The following PIK3C2G variants were observed in gnomAD, a reference collection of about 807,000 sequenced individuals.
PIK3C2G encodes phosphatidylinositol-4-phosphate 3-kinase catalytic subunit type 2 gamma, also known as phosphatidylinositol 3-kinase C2 domain-containing subunit gamma.
Under a neutral mutation model 181.1 loss-of-function variants are expected in PIK3C2G, and 168 were observed. The observed-to-expected ratio is 0.93, with a 90% confidence interval of 0.82 to 1.05. The LOEUF is 1.05. PIK3C2G is among the 50% of genes least tolerant of loss of function. PIK3C2G has a pLI of 0.00. For missense variants in PIK3C2G, 1,869 were observed against 1,732.8 expected (o/e 1.08, Z -1.40); for synonymous variants, 573 against 592.2 (o/e 0.97, Z 0.47).
chr12:18,381,278 G>A (rs928636042), intron 13 of PIK3C2G, among the ~76,000 whole-genome samples: 1 of 151,914 alleles, frequency 6.6e-6, no homozygotes, highest in Admixed American at 6.6e-5. Context: ...TTATTCTGCA[G>A]ATCATATGCT....
At chr12:18,319,449 GT>G (rs1278772298) in intron 6 of PIK3C2G, among the ~76,000 whole-genome samples, 1 of 150,808 alleles carries the variant, frequency 6.6e-6, no homozygotes, top group African/African-American at 2.4e-5. Flanking sequence ...TCCAGCTTTT[GT>G]TTTTTTTCAA....
In PIK3C2G at chr12:18,399,680, A is replaced by G; in HGVS notation, c.2148A>G (p.Arg716=). 4 of 1,570,214 alleles carry G rather than the reference A, an allele frequency of 2.5e-6. No individual in the cohort carries two copies. Among genetic ancestry groups the G allele is most frequent in the Non-Finnish European group, 3.5e-6 (4 of 1,151,952 alleles). ...TCAGACTCTCTGAAGAAAAGAAAAG[A>G]TATTTATGGTTTTATCGCTTCTACT... ...TPLLLSEEKK[R]YLWFYRFYCN... The change falls in exon 16 of 33, where the codon AGA becomes AGG. Residue 716 remains arginine (R), a synonymous_variant. Transcript: ENST00000538779.
At chr12:18,594,340 CTTAA>C (rs1947239953) in intron 29 of PIK3C2G, among the ~76,000 whole-genome samples, 150 bp from the exon 30 acceptor site, 1 of 152,014 alleles carries the variant, frequency 6.6e-6, no homozygotes, top group South Asian at 2.1e-4. Context: ...ATAGCACTGA[CTTAA>C]TTAACCTTTC....
At chr12:18,703,265 A>C in the PIK3C2G span, among the ~76,000 whole-genome samples, 2 of 152,094 alleles carry the variant, frequency 1.3e-5, no homozygotes, top group African/African-American at 2.4e-5. Context: ...TTTATCACAC[A>C]GTTCATTTTT....
chr12:18,692,663 T>C, the PIK3C2G span: 3 of 650,234 alleles, frequency 4.6e-6, no homozygotes, highest in African/African-American at 1.8e-5. Context: ...GAGAAAAAAA[T>C]CATTTCTACA....
chr12:18,641,688 T>C (rs1949845892), intron 32 of PIK3C2G, among the ~76,000 whole-genome samples: 1 of 151,294 alleles, frequency 6.6e-6, no homozygotes, highest in African/African-American at 2.4e-5. Flanking sequence ...ATTTATCACC[T>C]ATAGGTAGGT....
In PIK3C2G at chr12:18,562,724, G is replaced by A. The variant is rs1945415101; in HGVS notation, c.3612G>A (p.Glu1204=). Residue 1204 remains glutamate (E), a synonymous_variant, in exon 27 of 33, where the codon GAG becomes GAA. Transcript: ENST00000538779. ...CTAGGAAAATAAAGGAAAGTCTGGA[G>A]TGTTTCCCTGTTAAATTGAATAACT... ...HFTKKIKESL[E]CFPVKLNNLI... 2 of 1,598,500 alleles carry A rather than the reference G, an allele frequency of 1.3e-6. No individual in the cohort carries two copies. Among genetic ancestry groups the A allele is most frequent in the East Asian group, 2.2e-5 (1 of 44,624 alleles).
intron 24 of PIK3C2G, among the ~76,000 whole-genome samples, chr12:18,509,355 A>G (rs187886457): frequency 6.6e-6 from 1 of 152,224 alleles, no homozygotes; most frequent in Admixed American, 6.5e-5. Flanking sequence ...GTTACAAAAT[A>G]TTGTTAACAT....
chr12:18,631,004 G>C (rs56896544), intron 31 of PIK3C2G, among the ~76,000 whole-genome samples: 1 of 152,124 alleles, frequency 6.6e-6, no homozygotes, highest in South Asian at 2.1e-4. Context: ...AAAAATTGCA[G>C]TGTAAGACAT....
In PIK3C2G at chr12:18,282,527, C is replaced by G. The variant is rs1286301167; in HGVS notation, c.446C>G (p.Thr149Arg). Residue 149 changes from threonine (T) to arginine (R), a missense_variant, in exon 2 of 33, where the codon ACA becomes AGA. Physicochemically the swap from Thr to Arg is moderately conservative, Grantham distance 71 (BLOSUM62 -1). Transcript: ENST00000538779. ...SRFSILAPSF[T>R]SLDKINLEKE... is the part of the protein sequence containing the mutation. ...TTCAGTATTTTAGCTCCATCATTCA[C>G]AAGTTTGGATAAAATTAATCTAGAG... The G allele has an allele frequency of 6.2e-7, 1 of 1,610,892 alleles. No homozygotes were observed. Among genetic ancestry groups the G allele is most frequent in the Non-Finnish European group, 8.5e-7 (1 of 1,177,728 alleles).
chr12:18,378,046 A>C (rs917959274), intron 13 of PIK3C2G, among the ~76,000 whole-genome samples: 5 of 152,122 alleles, frequency 3.3e-5, no homozygotes, highest in Non-Finnish European at 5.9e-5. Context: ...ACACACATCT[A>C]TGTCAGATGA....
At chr12:18,254,516 T>C (rs1192865937) in intron 1 of PIK3C2G, among the ~76,000 whole-genome samples, 1 of 152,046 alleles carries the variant, frequency 6.6e-6, no homozygotes, top group Non-Finnish European at 1.5e-5. Context: ...TTTTGTAATA[T>C]TTGTAATATT....
At chr12:18,621,807 A>G (rs764669061) in intron 31 of PIK3C2G, among the ~76,000 whole-genome samples, 1 of 151,814 alleles carries the variant, frequency 6.6e-6, no homozygotes, top group African/African-American at 2.4e-5. Flanking sequence ...CTGATGTGAA[A>G]TGAAGTACGA....
chr12:18,453,936 C>T (rs1322188401), intron 18 of PIK3C2G, among the ~76,000 whole-genome samples: 1 of 152,108 alleles, frequency 6.6e-6, no homozygotes, highest in East Asian at 1.9e-4. Flanking sequence ...CTTAATTCCA[C>T]CCCTCTGCTT....
At chr12:18,258,037 G>A (rs1948165784), upstream of PIK3C2G, among the ~76,000 whole-genome samples, 1 of 152,060 alleles carries the variant, frequency 6.6e-6, no homozygotes, top group Non-Finnish European at 1.5e-5. Flanking sequence ...CTAGAGTAAG[G>A]CATGTCCACT....
At chr12:18,308,501 T>C in intron 5 of PIK3C2G, among the ~76,000 whole-genome samples, 1 of 148,840 alleles carries the variant, frequency 6.7e-6, no homozygotes, top group East Asian at 2.0e-4. Context: ...TAAAATATAG[T>C]AAAAAAAAAA....
At chr12:18,693,598 T>C in the PIK3C2G span, 3 of 1,580,210 alleles carry the variant, frequency 1.9e-6, no homozygotes, top group Non-Finnish European at 1.7e-6. Flanking sequence ...TTCGAGTTGC[T>C]GAAGAACGTG....
At chr12:18,723,866 G>A in the PIK3C2G span, among the ~76,000 whole-genome samples, 1 of 152,028 alleles carries the variant, frequency 6.6e-6, no homozygotes, top group African/African-American at 2.4e-5. Context: ...ATACCAGGCA[G>A]TGTGTAATCT....
At position 18,370,968 on chromosome 12, in the gene PIK3C2G, C is replaced by A. The variant is rs1411119565; in HGVS notation, c.1749-212C>A. On this transcript the variant is annotated intron_variant, in intron 12 of 32. Coordinates refer to ENST00000538779, the MANE Select transcript of PIK3C2G (RefSeq NM_001288772.2). ...AAATATACCTACATGTCAACATTAT[C>A]AGGAATAATTTTCATCGATTAACAA... is the stretch of plus-strand genomic sequence containing the variant. 3.3e-5 allele frequency among the ~76,000 whole-genome samples: 5 copies of A among 152,122 alleles called. No homozygotes were observed. The East Asian group carries it at 9.6e-4, about 29-fold the overall frequency.
Sources: gnomAD v4.1 joint callset for allele counts (sites outside exome capture counted in the v4.1 genomes callset) on GRCh38, gnomAD v4.1.1 for gene constraint, MANE v1.5 for transcripts, NCBI Gene and HGNC (gene_info 2026-07-23, HGNC 2026-07-21) for gene names.